The following MED13 variants were observed in gnomAD, a reference collection of about 807,000 sequenced individuals.
The protein encoded by MED13 is mediator complex subunit 13.
A neutral mutation model predicts 225.2 loss-of-function variants in MED13; 23 were observed. The ratio of observed to expected loss-of-function variants is 0.10; its 90% confidence interval spans 0.07 to 0.14. MED13 has a LOEUF of 0.14. Ranked by LOEUF, MED13 falls within the 10% of genes least tolerant of loss-of-function variation. The pLI, the probability that MED13 is intolerant of heterozygous loss-of-function variation, is 1.00. For missense variants in MED13, 2,197 were observed against 2,594.5 expected (o/e 0.85, Z 3.33); for synonymous variants, 942 against 889.2 (o/e 1.06, Z -1.06).
intron 9 of MED13, among the ~76,000 whole-genome samples, chr17:62,000,645 A>G (rs1163184432): frequency 1.3e-5 from 2 of 152,196 alleles, no homozygotes; most frequent in African/African-American, 4.8e-5. Flanking sequence ...AGAGCTTCTC[A>G]TATCAGCCTA....
chr17:62,000,534 A>T (rs567219477), intron 9 of MED13, among the ~76,000 whole-genome samples: 8 of 152,316 alleles, frequency 5.3e-5, no homozygotes, highest in Admixed American at 1.3e-4. Context: ...CCTTCAAGAT[A>T]ACAAGTACTA....
Position 61,992,635 on chromosome 17 carries a change from T to C in MED13, c.2182-14A>G, listed in dbSNP as rs750333195. ...CCCATCTTCTACCTGCAAACAAATA[T>C]TTCATGTTAGGCTGAAATATATAAT... On this transcript the variant is annotated splice_polypyrimidine_tract_variant and intron_variant, in intron 10 of 29. Coordinates refer to ENST00000397786, the MANE Select transcript of MED13 (RefSeq NM_005121.3). 2 of 1,566,432 alleles carry C rather than the reference T, an allele frequency of 1.3e-6. No homozygotes were observed. The highest frequency in any genetic ancestry group is 1.8e-6 in the Non-Finnish European group (2 of 1,138,678).
intron 8 of MED13, among the ~76,000 whole-genome samples, chr17:62,017,135 A>C (rs1159171347): frequency 1.3e-5 from 2 of 151,438 alleles, no homozygotes; most frequent in East Asian, 3.9e-4. Context: ...CGAATGGTTG[A>C]TAAACAGGAA....
intron 8 of MED13, among the ~76,000 whole-genome samples, chr17:62,017,987 G>C (rs563581244): frequency 2.2e-4 from 33 of 152,212 alleles, no homozygotes; most frequent in African/African-American, 7.7e-4. Flanking sequence ...ATCCATATTT[G>C]GTCATTTGGC....
chr17:61,985,804 A>G (rs2080242732), intron 12 of MED13, among the ~76,000 whole-genome samples: 2 of 152,218 alleles, frequency 1.3e-5, no homozygotes, highest in African/African-American at 2.4e-5. Flanking sequence ...TTCCTATATA[A>G]TCAATCACTC....
chr17:62,020,694 T>C (rs2080633212), intron 8 of MED13, among the ~76,000 whole-genome samples: 1 of 144,780 alleles, frequency 6.9e-6, no homozygotes. Flanking sequence ...TCTTTTTTTT[T>C]TTTTTTTTTT....
At chr17:62,049,205 G>A (rs767195698) in intron 3 of MED13, among the ~76,000 whole-genome samples, 3 of 151,212 alleles carry the variant, frequency 2.0e-5, no homozygotes, top group African/African-American at 7.3e-5. Flanking sequence ...CGGAAAAGAA[G>A]AATGAAGGGT....
At chr17:62,013,330 T>C (rs2080529961) in intron 8 of MED13, among the ~76,000 whole-genome samples, 1 of 152,044 alleles carries the variant, frequency 6.6e-6, no homozygotes, top group African/African-American at 2.4e-5. Context: ...TATAAAAGAA[T>C]AACACATCAT....
intron 11 of MED13, among the ~76,000 whole-genome samples, chr17:61,991,755 G>A (rs1210434171): frequency 3.3e-5 from 5 of 152,028 alleles, no homozygotes; most frequent in Non-Finnish European, 7.4e-5. Context: ...TGATCCGCCC[G>A]CCACGGCCTC....
Position 61,955,858 on chromosome 17 carries a change from A to AC in MED13, c.5624-21_5624-20insG. 1.1e-6 allele frequency: 1 copy of AC among 889,618 alleles called. No individual in the cohort carries two copies. The highest frequency in any genetic ancestry group is 1.5e-6 in the Non-Finnish European group (1 of 668,634). The allele number at this position is 889,618 out of a possible 1,614,324, so 55.1% of individuals were successfully genotyped here. On this transcript the variant is annotated intron_variant, in intron 24 of 29. Transcript: ENST00000397786. ...TCCAATCTGTGGGTATCAACAGTAA[A>AC]AAAAAAAAAAAAAAAAAAAAAAATC...
intron 9 of MED13, chr17:62,004,712 G>T (rs564693088): frequency 6.6e-6 from 1 of 152,266 alleles, no homozygotes; most frequent in African/African-American, 2.4e-5. Context: ...AGAGATTTAA[G>T]CAAATAAGTA....
chr17:62,055,535 A>G (rs1232841204), intron 2 of MED13, among the ~76,000 whole-genome samples: 1 of 151,590 alleles, frequency 6.6e-6, no homozygotes, highest in Non-Finnish European at 1.5e-5. Flanking sequence ...AGAATATTTA[A>G]TGTGAGGCCA....
chr17:61,988,786 C>A (rs980126591), intron 11 of MED13, among the ~76,000 whole-genome samples: 3 of 151,584 alleles, frequency 2.0e-5, no homozygotes, highest in African/African-American at 7.3e-5. Flanking sequence ...AGCTACTGAA[C>A]ATATTCATTA....
At chr17:61,958,371 G>T (rs542393607) in intron 23 of MED13, among the ~76,000 whole-genome samples, 84 of 149,866 alleles carry the variant, frequency 5.6e-4, no homozygotes, top group African/African-American at 2.0e-3. Context: ...CAAGAGTCTC[G>T]CTCTGTTGCC....
rs544518515 is a variant in MED13, at chr17:61,993,696, G to A, written c.2182-1075C>T. Among the ~76,000 whole-genome samples, 564 of 151,752 alleles carry A rather than the reference G, an allele frequency of 3.7e-3. 2 individuals carry two copies. The highest frequency in any genetic ancestry group is 0.012 in the African/African-American group (511 of 41,496). ...TGTAATCCCAGCACTTTGGGAGGCC[G>A]AGGCGGGCGGATCACTTGAGGTCAG... On this transcript the variant is annotated intron_variant, in intron 10 of 29. Coordinates refer to ENST00000397786, the MANE Select transcript of MED13 (RefSeq NM_005121.3).
intron 8 of MED13, among the ~76,000 whole-genome samples, chr17:62,026,369 T>C (rs1336822953): frequency 6.6e-6 from 1 of 152,060 alleles, no homozygotes; most frequent in Non-Finnish European, 1.5e-5. Flanking sequence ...GTGACAGTTC[T>C]TCCCTTACAG....
At chr17:62,037,955 C>CAAAAAAAAAAAAAAAAA (rs397857634) in intron 3 of MED13, among the ~76,000 whole-genome samples, 1 of 64,728 alleles carries the variant, frequency 1.5e-5, no homozygotes, top group African/African-American at 4.8e-5. Context: ...GACTTCATCT[C>CAAAAAAAAAAAAAAAAA]AAAAAAAAAA....
chr17:61,958,237 G>A (rs532014537), intron 23 of MED13, among the ~76,000 whole-genome samples: 3 of 147,392 alleles, frequency 2.0e-5, no homozygotes, highest in African/African-American at 7.5e-5. Flanking sequence ...GTATGGTCTC[G>A]GCTCATGGCA....
chr17:62,056,698 C>A (rs570048564), intron 2 of MED13, among the ~76,000 whole-genome samples: 1 of 152,006 alleles, frequency 6.6e-6, no homozygotes, highest in Non-Finnish European at 1.5e-5. Flanking sequence ...GAGTCGGAGG[C>A]TGCAGTGAGC....
Sources: allele counts gnomAD v4.1 joint callset (sites outside exome capture counted in the v4.1 genomes callset), GRCh38; gene constraint gnomAD v4.1.1; transcripts MANE v1.5; gene names NCBI Gene and HGNC (gene_info 2026-07-23, HGNC 2026-07-21).